Variants in DPP6 observed in about 807,000 individuals in gnomAD.
The protein encoded by DPP6 is dipeptidyl peptidase like 6.
A neutral mutation model predicts 122.6 loss-of-function variants in DPP6; 69 were observed. The ratio of observed to expected loss-of-function variants is 0.56; its 90% CI spans 0.46 to 0.69. DPP6 has a LOEUF of 0.69. DPP6 is among the 30% of genes least tolerant of loss of function. The pLI is 0.00. For missense variants in DPP6, 928 were observed against 1,116.9 expected, an observed-to-expected ratio of 0.83 and a Z score of 2.41; for synonymous variants, 418 against 433.1, an observed-to-expected ratio of 0.97 and a Z score of 0.43.
At position 154,582,050 on chromosome 7, in the gene DPP6, G is replaced by A. The variant is rs147130018; in HGVS notation, c.627+15134G>A. Among the ~76,000 whole-genome samples the A allele has an allele frequency of 7.2e-5, 11 of 152,224 alleles. No individual in the cohort carries two copies. In the East Asian group the frequency reaches 1.5e-3, roughly 21 times the overall value. On this transcript the variant is annotated intron_variant, in intron 5 of 25. Coordinates refer to ENST00000377770, the MANE Select transcript of DPP6 (RefSeq NM_130797.4). ...TTTCCTCAAGGGCAGCTGCCCTCTC[G>A]GTGCCCTGCTCACTGTGAGCAAATA...
intron 1 of DPP6, among the ~76,000 whole-genome samples, chr7:153,902,722 G>A (rs548272639): frequency 6.6e-6 from 1 of 152,178 alleles, no homozygotes; most frequent in East Asian, 1.9e-4. Flanking sequence ...TGTAATCCCA[G>A]CTGTTTGGGA....
the DPP6 span, among the ~76,000 whole-genome samples, chr7:153,818,985 C>T: frequency 2.0e-5 from 3 of 148,908 alleles, no homozygotes; most frequent in South Asian, 4.3e-4. Context: ...CTCCTGACCT[C>T]GTGATCCGCC....
chr7:154,648,175 G>C (rs536772405), intron 6 of DPP6, among the ~76,000 whole-genome samples: 2 of 151,480 alleles, frequency 1.3e-5, no homozygotes, highest in African/African-American at 4.9e-5. Flanking sequence ...CAGGAGAATC[G>C]TTTGAACCCT....
the DPP6 span, among the ~76,000 whole-genome samples, chr7:153,788,018 A>G: frequency 6.6e-6 from 1 of 152,048 alleles, no homozygotes; most frequent in Non-Finnish European, 1.5e-5. Context: ...AAGGCAATAA[A>G]TCATCTCTAC....
intron 8 of DPP6, among the ~76,000 whole-genome samples, chr7:154,743,096 G>C (rs1842887238): frequency 6.6e-6 from 1 of 152,180 alleles, no homozygotes; most frequent in Non-Finnish European, 1.5e-5. Context: ...AGAAATACAG[G>C]CTGAAGCTGA....
chr7:154,313,972 G>T (rs369623090), intron 1 of DPP6, among the ~76,000 whole-genome samples: 31 of 151,882 alleles, frequency 2.0e-4, no homozygotes, highest in African/African-American at 6.3e-4. Context: ...TGGCAGGTAA[G>T]AACTATTTTG....
intron 5 of DPP6, among the ~76,000 whole-genome samples, chr7:154,593,326 G>A (rs959221161): frequency 5.3e-5 from 8 of 152,154 alleles, no homozygotes; most frequent in Non-Finnish European, 1.2e-4. Context: ...CATTTTGCAT[G>A]GTTAATAATT....
At chr7:154,656,455 G>A (rs1369905586) in intron 6 of DPP6, among the ~76,000 whole-genome samples, 2 of 151,982 alleles carry the variant, frequency 1.3e-5, no homozygotes, top group Non-Finnish European at 1.5e-5. Flanking sequence ...AGACAGAGAA[G>A]CAGCAGCCGC....
chr7:154,615,047 A>G (rs1464874308), intron 5 of DPP6, among the ~76,000 whole-genome samples: 1 of 152,156 alleles, frequency 6.6e-6, no homozygotes, highest in Non-Finnish European at 1.5e-5. Flanking sequence ...AGACGGTCAG[A>G]ACTTAGTGTG....
upstream of DPP6, among the ~76,000 whole-genome samples, chr7:153,885,737 A>G (rs35011737): frequency 6.6e-6 from 1 of 152,212 alleles, no homozygotes; most frequent in Admixed American, 6.5e-5. Context: ...AGCCTGATCC[A>G]CATTACTTTA....
At chr7:154,379,353 T>A (rs1191772679) in intron 1 of DPP6, among the ~76,000 whole-genome samples, 3 of 151,856 alleles carry the variant, frequency 2.0e-5, no homozygotes, top group Admixed American at 6.6e-5. Flanking sequence ...CACCAGGGCC[T>A]GTCAGGTGGT....
chr7:154,421,430 C>A (rs146020057), intron 1 of DPP6, among the ~76,000 whole-genome samples: 3 of 151,552 alleles, frequency 2.0e-5, no homozygotes, highest in African/African-American at 7.3e-5. Context: ...TCAACCAATT[C>A]TCTTGCATCA....
chr7:154,491,349 G>T (rs191924227), intron 3 of DPP6, among the ~76,000 whole-genome samples: 2 of 152,144 alleles, frequency 1.3e-5, no homozygotes, highest in Non-Finnish European at 2.9e-5. Context: ...GCTCCCCCAG[G>T]TTCTTCATTA....
intron 1 of DPP6, among the ~76,000 whole-genome samples, chr7:154,286,154 A>G (rs947727877): frequency 6.6e-6 from 1 of 152,210 alleles, no homozygotes; most frequent in African/African-American, 2.4e-5. Flanking sequence ...TGAGCAGCGC[A>G]CTGAGATTTT....
intron 1 of DPP6, among the ~76,000 whole-genome samples, chr7:154,320,897 G>A (rs955905814): frequency 6.6e-6 from 1 of 152,012 alleles, no homozygotes; most frequent in African/African-American, 2.4e-5. Flanking sequence ...CTGAGCAAAG[G>A]GTACTATTTA....
At chr7:154,110,275 G>A (rs1269387685) in intron 1 of DPP6, among the ~76,000 whole-genome samples, 2 of 152,164 alleles carry the variant, frequency 1.3e-5, no homozygotes, top group Admixed American at 6.5e-5. Flanking sequence ...AATTGTGTTT[G>A]TGCTATTAGT....
intron 1 of DPP6, among the ~76,000 whole-genome samples, chr7:154,379,610 C>T (rs1001282230): frequency 6.6e-6 from 1 of 152,096 alleles, no homozygotes; most frequent in Non-Finnish European, 1.5e-5. Flanking sequence ...ATATAGAAAG[C>T]ATTGTGGATA....
intron 1 of DPP6, among the ~76,000 whole-genome samples, chr7:154,438,300 G>C (rs142910617): frequency 1.3e-5 from 2 of 151,202 alleles, no homozygotes; most frequent in African/African-American, 4.9e-5. Context: ...ACCCCGTCTC[G>C]ACTAAAAAAA....
chr7:154,256,998 C>CTTTTTTTTTT (rs66710949), intron 1 of DPP6, among the ~76,000 whole-genome samples: 2 of 132,856 alleles, frequency 1.5e-5, no homozygotes, highest in African/African-American at 2.8e-5. Context: ...TCTTCTTCTT[C>CTTTTTTTTTT]TTTTTTTTTT....
Sources: allele counts gnomAD v4.1 joint callset (sites outside exome capture counted in the v4.1 genomes callset), GRCh38; gene constraint gnomAD v4.1.1; transcripts MANE v1.5; gene names NCBI Gene and HGNC (gene_info 2026-07-23, HGNC 2026-07-21).